The following CASZ1 variants were observed in gnomAD, a reference collection of about 807,000 sequenced individuals.
The protein encoded by CASZ1 is zinc finger protein castor homolog 1.
In CASZ1, 28 loss-of-function variants were observed where a neutral mutation model predicts 135.2. The observed-to-expected ratio is 0.21, with a 90% CI of 0.15 to 0.28. The LOEUF (loss-of-function observed/expected upper bound fraction) is 0.28, where lower values mean the gene tolerates loss of function less well. CASZ1 is among the 10% of genes least tolerant of loss of function. The probability of loss-of-function intolerance (pLI) is 1.00; values close to 1 mark genes in which losing one functional copy is unlikely to be tolerated. For synonymous variants in CASZ1, 1,068 were observed against 1,073.4 expected (o/e 0.99, Z 0.10); for missense variants, 2,161 against 2,453.3 (o/e 0.88, Z 2.52).
intron 1 of CASZ1, among the ~76,000 whole-genome samples, chr1:10,766,208 A>G (rs1054157268): frequency 8.6e-5 from 13 of 151,898 alleles, no homozygotes; most frequent in African/African-American, 2.7e-4. Flanking sequence ...GCACGTGCAC[A>G]CACACACACA....
intron 4 of CASZ1, among the ~76,000 whole-genome samples, chr1:10,686,171 C>G (rs1339835763): frequency 6.6e-6 from 1 of 152,218 alleles, no homozygotes; most frequent in Non-Finnish European, 1.5e-5. Flanking sequence ...CCTTACATGC[C>G]CTTGGCCGAA....
chr1:10,739,683 G>A lies in CASZ1; in HGVS notation c.-77+21018C>T, dbSNP rs929212187. Among the ~76,000 whole-genome samples, 1 of 152,054 alleles carries A rather than the reference G, an allele frequency of 6.6e-6. No individual in the cohort carries two copies. Among genetic ancestry groups the A allele is most frequent in the Non-Finnish European group, 1.5e-5 (1 of 67,998 alleles). On this transcript the variant is annotated intron_variant, in intron 2 of 20. Transcript: ENST00000377022. This position sits in a 1 kb window ranked among gnomAD's most constrained non-coding sequence, Gnocchi z 4.8. ...GCTATAGTTTGGCCCAAATGTCCCG[G>A]CCAGGGTGGCTCTGTGTCAAAGGCC...
intron 2 of CASZ1, among the ~76,000 whole-genome samples, chr1:10,708,723 C>T (rs1639224224): frequency 6.6e-6 from 1 of 151,938 alleles, no homozygotes; most frequent in Non-Finnish European, 1.5e-5. Flanking sequence ...TGTCAGGCTG[C>T]CTAAGCAAAC....
Position 10,676,745 on chromosome 1 carries a change from C to T in CASZ1, c.17-11174G>A, listed in dbSNP as rs1387903589. ...CTGACGTGGACGCCTTTGCTGGTTC[C>T]TCCACGTCCCAGCCACACAGGCCAG... On this transcript the variant is annotated intron_variant, in intron 4 of 20. Coordinates refer to ENST00000377022, the MANE Select transcript of CASZ1 (RefSeq NM_001079843.3). The surrounding 1 kb of genome is among the most constrained non-coding windows in gnomAD (Gnocchi z 4.5). Among the ~76,000 whole-genome samples, 3 of 152,236 alleles carry T rather than the reference C, an allele frequency of 2.0e-5. No homozygotes were observed. Among genetic ancestry groups the T allele is most frequent in the African/African-American group, 7.2e-5 (3 of 41,458 alleles).
rs1467384738 is a variant in CASZ1 at position 10,638,878 on chromosome 1, C to T, written c.*64G>A. On this transcript the variant is annotated 3_prime_UTR_variant, in exon 21 of 21. Transcript: ENST00000377022. The surrounding 1 kb of genome is among the most constrained non-coding windows in gnomAD (Gnocchi z 5.9). ...GGGGCTCTGCCCAGGGGCCGCTTCG[C>T]GCGGGGCGGCGCCGCTCCCGAGGCC... 2.0e-6 allele frequency: 2 copies of T among 979,546 alleles called. No individual in the cohort carries two copies. The highest frequency in any genetic ancestry group is 2.4e-6 in the Non-Finnish European group (2 of 826,640). The allele number at this position is 979,546 out of a possible 1,614,324, so 60.7% of individuals were successfully genotyped here. A position where few individuals can be genotyped will look rare whatever the true frequency, so the allele number is the denominator to read the frequency against.
Position 10,651,045 on chromosome 1 carries a change from G to A in CASZ1, c.2712C>T (p.Phe904=). ...GSGQQVTPAR[F]PPAQVKPEPG... is the part of the protein sequence containing the mutation. ...GTTCCGGCTTCACTTGGGCCGGGGG[G>A]AACCTGGCTGGGGTGACCTGCTGCC... Residue 904 remains phenylalanine (F), a synonymous_variant, in exon 12 of 21, where the codon TTC becomes TTT. Transcript: ENST00000377022. 6.5e-7 allele frequency: 1 copy of A among 1,548,328 alleles called. No homozygotes were observed.
In CASZ1 at chr1:10,756,164, C is replaced by T. The variant is rs1055189245; in HGVS notation, c.-77+4537G>A. Among the ~76,000 whole-genome samples the T allele has an allele frequency of 2.0e-5, 3 of 152,110 alleles. No individual in the cohort carries two copies. The highest frequency in any genetic ancestry group is 4.4e-5 in the Non-Finnish European group (3 of 67,992). ...CAGCTGTAGGCCTGGGAGAGCCCCA[C>T]CACTCCCGCAAGCCGCTGCCAGCCT... On this transcript the variant is annotated intron_variant, in intron 2 of 20. Transcript: ENST00000377022. The surrounding 1 kb of genome is among the most constrained non-coding windows in gnomAD (Gnocchi z 5.9).
chr1:10,686,377 AC>A (rs1330156906), intron 4 of CASZ1, among the ~76,000 whole-genome samples: 1 of 152,242 alleles, frequency 6.6e-6, no homozygotes, highest in African/African-American at 2.4e-5. Context: ...GGGCCTGGAA[AC>A]AGGTCACACA....
chr1:10,639,369 C>A lies in CASZ1; in HGVS notation c.4853G>T (p.Gly1618Val). 1 of 1,532,274 alleles carries A rather than the reference C, an allele frequency of 6.5e-7. No individual in the cohort carries two copies. The highest frequency in any genetic ancestry group is 1.2e-5 in the South Asian group (1 of 83,256). 94.9% of individuals were successfully genotyped at this position (1,532,274 alleles called of 1,614,324 possible). The change falls in exon 21 of 21, where the codon GGC becomes GTC. Residue 1618 changes from glycine to valine, a missense_variant. By Grantham distance (109) the Gly-to-Val change is moderately radical. Coordinates refer to ENST00000377022, the MANE Select transcript of CASZ1 (RefSeq NM_001079843.3). The surrounding 1 kb of genome is among the most constrained non-coding windows in gnomAD (Gnocchi z 4.0). The stretch of plus-strand genomic sequence containing the variant: ...CGGCTCGGCGCCCAGCGACAGGGAG[C>A]CGTCCAGACTGATGGGAGGCCCGGG... ...PAPGPPISLD[G>V]SLSLGAEPGS...
rs969334403 is a variant in CASZ1 at position 10,767,368 on chromosome 1, C to T, written c.-233-6511G>A. 8.5e-5 allele frequency among the ~76,000 whole-genome samples: 13 copies of T among 152,230 alleles called. No homozygotes were observed. Among genetic ancestry groups the T allele is most frequent in the Non-Finnish European group, 1.3e-4 (9 of 68,038 alleles). On this transcript the variant is annotated intron_variant, in intron 1 of 20. Coordinates refer to ENST00000377022, the MANE Select transcript of CASZ1 (RefSeq NM_001079843.3). This position sits in a 1 kb window ranked among gnomAD's most constrained non-coding sequence, Gnocchi z 4.2. ...AGCAATGGAGGCCCAAAGCCTGGGA[C>T]GGGTCCTATTTCCAGGTCACAGCCC...
chr1:10,689,815 G>C (rs1322501426), intron 4 of CASZ1, among the ~76,000 whole-genome samples: 3 of 152,222 alleles, frequency 2.0e-5, no homozygotes, highest in African/African-American at 7.2e-5. Flanking sequence ...AAATCAAGTT[G>C]GGAGTCAGAC....
chr1:10,795,463 C>T (rs1254743913), intron 1 of CASZ1, among the ~76,000 whole-genome samples: 1 of 152,194 alleles, frequency 6.6e-6, no homozygotes, highest in East Asian at 1.9e-4. Flanking sequence ...GAACAGACCC[C>T]GACCGACCCT....
chr1:10,640,814 C>T (rs1414689548), intron 20 of CASZ1, among the ~76,000 whole-genome samples: 1 of 152,168 alleles, frequency 6.6e-6, no homozygotes, highest in African/African-American at 2.4e-5. Context: ...CATTTATGTC[C>T]AGCTGGCCCA....
At chr1:10,668,303 C>CT (rs1176155875) in intron 4 of CASZ1, among the ~76,000 whole-genome samples, 1 of 152,232 alleles carries the variant, frequency 6.6e-6, no homozygotes, top group Non-Finnish European at 1.5e-5. Flanking sequence ...ATTCCTCTGA[C>CT]TTTCTTCCCT....
chr1:10,711,504 G>C lies in CASZ1; in HGVS notation c.-76-5960C>G, dbSNP rs1386699469. Among the ~76,000 whole-genome samples the C allele has an allele frequency of 6.6e-6, 1 of 151,810 alleles. No homozygotes were observed. Among genetic ancestry groups the C allele is most frequent in the Non-Finnish European group, 1.5e-5 (1 of 67,980 alleles). On this transcript the variant is annotated intron_variant, in intron 2 of 20. Coordinates refer to ENST00000377022, the MANE Select transcript of CASZ1 (RefSeq NM_001079843.3). This position sits in a 1 kb window ranked among gnomAD's most constrained non-coding sequence, Gnocchi z 4.4. ...AATATGGCCTCTTATTAGTTTCCAGGGTCCCTGCCTTTAAGAAGCTAGGAG... is the reference window on the plus strand; with the variant it reads ...AATATGGCCTCTTATTAGTTTCCAGCGTCCCTGCCTTTAAGAAGCTAGGAG...
rs550872926 is a variant in CASZ1, at chr1:10,665,255, G to A, written c.333C>T (p.Arg111=). 105 of 1,607,394 alleles carry A rather than the reference G, an allele frequency of 6.5e-5. 1 individual carries two copies. In the Middle Eastern group the frequency reaches 6.6e-4, roughly 10 times the overall value. ...CCTCGGGAGGCAGCTCCAGGCCCTC[G>A]CGGGCAATCCGCCCCAACACGGGTG... ...APTPVLGRIA[R]EGLELPPEGV... Residue 111 remains arginine (R), a synonymous_variant, in exon 5 of 21, where the codon CGC becomes CGT. Transcript: ENST00000377022.
At chr1:10,648,646 T>C (rs1291638033) in intron 15 of CASZ1, 2 of 197,092 alleles carry the variant, frequency 1.0e-5, no homozygotes, top group African/African-American at 4.6e-5. Context: ...ATTTACAAAT[T>C]CATTTCATTA....
In CASZ1 at chr1:10,794,480, G is replaced by C. The variant is rs1025605780; in HGVS notation, c.-234+2084C>G. On this transcript the variant is annotated intron_variant, in intron 1 of 20. Coordinates refer to ENST00000377022, the MANE Select transcript of CASZ1 (RefSeq NM_001079843.3). The surrounding 1 kb of genome is among the most constrained non-coding windows in gnomAD (Gnocchi z 5.6). ...CCGTGGCCCAGTGATCCAGGTTTGG[G>C]GGAGCTCCATACTCAGGAGAGGCGC... Among the ~76,000 whole-genome samples, 13 of 152,186 alleles carry C rather than the reference G, an allele frequency of 8.5e-5. No homozygotes were observed. Among genetic ancestry groups the C allele is most frequent in the African/African-American group, 2.9e-4 (12 of 41,522 alleles).
chr1:10,646,979 G>A lies in CASZ1; in HGVS notation c.3498-653C>T, dbSNP rs1344994347. On this transcript the variant is annotated intron_variant, in intron 16 of 20. Coordinates refer to ENST00000377022, the MANE Select transcript of CASZ1 (RefSeq NM_001079843.3). The surrounding 1 kb of genome is among the most constrained non-coding windows in gnomAD (Gnocchi z 6.4). Reference sequence around the variant, plus strand: ...GGCCGCCTCCAGGATGCAGAGGGGTGCAGGAGGACACTGGTCCCAGCCTTC... The same window carrying A: ...GGCCGCCTCCAGGATGCAGAGGGGTACAGGAGGACACTGGTCCCAGCCTTC... Among the ~76,000 whole-genome samples the A allele has an allele frequency of 6.6e-6, 1 of 152,156 alleles. No homozygotes were observed. The highest frequency in any genetic ancestry group is 6.5e-5 in the Admixed American group (1 of 15,286).
Sources: gnomAD v4.1 joint callset for allele counts (sites outside exome capture counted in the v4.1 genomes callset) on GRCh38, gnomAD v4.1.1 for gene constraint, Gnocchi (gnomAD v3.1) non-coding constraint, MANE v1.5 for transcripts, NCBI Gene and HGNC (gene_info 2026-07-23, HGNC 2026-07-21) for gene names.